The following NLRP3 variants were observed in gnomAD, a reference collection of about 807,000 sequenced individuals.
NLRP3 encodes NLR family pyrin domain containing 3.
A neutral mutation model predicts 91.3 loss-of-function variants in NLRP3; 48 were observed. The ratio of observed to expected loss-of-function variants is 0.53; its 90% CI spans 0.42 to 0.67. The LOEUF is 0.67. NLRP3 is among the 30% of genes least tolerant of loss of function. The pLI is 0.00. For missense variants in NLRP3, 982 were observed against 1,276.9 expected, an observed-to-expected ratio of 0.77 and a Z score of 3.52; for synonymous variants, 561 against 507.9, an observed-to-expected ratio of 1.10 and a Z score of -1.41.
intron 4 of NLRP3, among the ~76,000 whole-genome samples, chr1:247,428,131 C>G (rs528288577): frequency 1.0e-4 from 15 of 149,626 alleles, no homozygotes; most frequent in African/African-American, 3.8e-4. Flanking sequence ...TGACTGGAAC[C>G]CTGGTAGGGG....
At chr1:247,436,338 T>C (rs1373971520) in intron 7 of NLRP3, among the ~76,000 whole-genome samples, 198 bp downstream of exon 7, 2 of 152,192 alleles carry the variant, frequency 1.3e-5, no homozygotes, top group Non-Finnish European at 2.9e-5. Flanking sequence ...TAATTTATGA[T>C]TATAGAACTA....
chr1:247,419,152 A>C (rs1662268823), intron 2 of NLRP3, 75 bp downstream of exon 2: 33 of 934,928 alleles, frequency 3.5e-5, no homozygotes, highest in Non-Finnish European at 4.0e-5. Flanking sequence ...CTTTATATAT[A>C]TATATATATA....
chr1:247,436,255 G>T, intron 7 of NLRP3, 115 bp downstream of exon 7: 9 of 971,784 alleles, frequency 9.3e-6, no homozygotes, highest in Non-Finnish European at 1.4e-5. Flanking sequence ...GAGTAAGGAG[G>T]TAAAAACATC....
intron 5 of NLRP3, among the ~76,000 whole-genome samples, chr1:247,433,720 T>C (rs927431125): frequency 4.3e-4 from 62 of 145,300 alleles, no homozygotes; most frequent in African/African-American, 1.5e-3. Context: ...CGGAGCTCTC[T>C]GGTCAGGTGT....
At chr1:247,432,736 G>A (rs761893021) in intron 5 of NLRP3, among the ~76,000 whole-genome samples, 4 of 152,130 alleles carry the variant, frequency 2.6e-5, no homozygotes, top group South Asian at 2.1e-4. Context: ...GGTCTAACAG[G>A]CTCCAGGACC....
intron 5 of NLRP3, among the ~76,000 whole-genome samples, chr1:247,433,894 GAT>G: frequency 8.2e-6 from 1 of 122,634 alleles, no homozygotes; most frequent in African/African-American, 3.5e-5. Flanking sequence ...TCTCTGGTCA[GAT>G]GTGTTCTGAT....
chr1:247,441,141 TTC>T (rs1664203527), intron 7 of NLRP3, among the ~76,000 whole-genome samples: 1 of 102,544 alleles, frequency 9.8e-6, no homozygotes, highest in Admixed American at 1.1e-4. Context: ...CTTTCTTTCT[TTC>T]TTTCTCTCTC....
chr1:247,430,034 C>G (rs571710625), intron 5 of NLRP3, among the ~76,000 whole-genome samples: 2 of 152,158 alleles, frequency 1.3e-5, no homozygotes, highest in African/African-American at 4.8e-5. Flanking sequence ...ACCACCATAC[C>G]CAGCTAATTT....
In NLRP3 at chr1:247,418,446, C is replaced by T. The variant is rs200486349; in HGVS notation, c.-355C>T. The T allele has an allele frequency of 1.2e-5, 4 of 333,786 alleles. No individual in the cohort carries two copies. The highest frequency in any genetic ancestry group is 4.8e-5 in the South Asian group (2 of 41,338). 20.7% of individuals were successfully genotyped at this position (333,786 alleles called of 1,614,324 possible). On this transcript the variant is annotated 5_prime_UTR_variant, in exon 2 of 10. Coordinates refer to ENST00000336119, the MANE Select transcript of NLRP3 (RefSeq NM_001243133.2). ...CTTCCTGAGTAGCTGGGATTACAGG[C>T]GCCCGCCACCACACCCGGCTCATTT...
intron 7 of NLRP3, among the ~76,000 whole-genome samples, chr1:247,443,679 C>T (rs925438337): frequency 2.0e-5 from 3 of 151,882 alleles, no homozygotes; most frequent in East Asian, 1.9e-4. Context: ...CACTCCTGGC[C>T]GGAGGAAAGC....
At chr1:247,437,732 G>A (rs114765517) in intron 7 of NLRP3, among the ~76,000 whole-genome samples, 3,426 of 152,320 alleles carry the variant, frequency 0.022, 128 homozygotes, top group African/African-American at 0.077. Flanking sequence ...TAATAGACAT[G>A]CTAAACAATA....
chr1:247,431,077 G>T (rs186528571), intron 5 of NLRP3, among the ~76,000 whole-genome samples: 1 of 152,046 alleles, frequency 6.6e-6, no homozygotes, highest in African/African-American at 2.4e-5. Context: ...CCAGCTACTC[G>T]GGAGGCTGAG....
At chr1:247,435,926 CGTGG>C in intron 6 of NLRP3, 40 bp from the exon 7 acceptor site, 1 of 1,598,632 alleles carries the variant, frequency 6.3e-7, no homozygotes, top group Non-Finnish European at 8.6e-7. Flanking sequence ...CATGGTGGAG[CGTGG>C]GTGAGAGACA....
At chr1:247,423,768 C>A in intron 3 of NLRP3, 79 bp from the exon 4 acceptor site, 1 of 1,315,010 alleles carries the variant, frequency 7.6e-7, no homozygotes, top group Non-Finnish European at 1.1e-6. Flanking sequence ...CACTCGCTTC[C>A]GATGACAGGC....
chr1:247,442,745 T>G (rs112264078), intron 7 of NLRP3, among the ~76,000 whole-genome samples: 8 of 152,304 alleles, frequency 5.3e-5, no homozygotes, highest in African/African-American at 1.9e-4. Flanking sequence ...GCTGCACTCC[T>G]TCCTTGCCAG....
At chr1:247,448,053 AG>A (rs1664704358) in intron 9 of NLRP3, among the ~76,000 whole-genome samples, 2 of 143,966 alleles carry the variant, frequency 1.4e-5, no homozygotes, top group African/African-American at 5.2e-5. Context: ...GAGCCGTGGG[AG>A]GGGCCTCCTC....
At chr1:247,444,374 T>C (rs1413970160) in intron 8 of NLRP3, among the ~76,000 whole-genome samples, 1 of 152,172 alleles carries the variant, frequency 6.6e-6, no homozygotes, top group African/African-American at 2.4e-5. Flanking sequence ...GAGGGCAGTA[T>C]GACACTTACA....
chr1:247,428,417 C>G (rs928548363), intron 4 of NLRP3, among the ~76,000 whole-genome samples: 4 of 152,378 alleles, frequency 2.6e-5, no homozygotes, highest in Admixed American at 6.5e-5. Flanking sequence ...TGGACCCAAT[C>G]TTAGACCTAG....
intron 6 of NLRP3, among the ~76,000 whole-genome samples, chr1:247,435,069 T>C (rs1663683637): frequency 6.6e-6 from 1 of 152,104 alleles, no homozygotes; most frequent in African/African-American, 2.4e-5. Context: ...CTGGCCATCA[T>C]AGTAAAACCT....
Sources: allele counts gnomAD v4.1 joint callset (sites outside exome capture counted in the v4.1 genomes callset), GRCh38; gene constraint gnomAD v4.1.1; transcripts MANE v1.5; gene names NCBI Gene and HGNC (gene_info 2026-07-23, HGNC 2026-07-21).